SLIT3: variants seen among roughly 807,000 people sequenced by gnomAD.
SLIT3 encodes the protein slit homolog 3 protein.
In SLIT3, 68 loss-of-function variants were observed where a neutral mutation model predicts 184.0. The ratio of observed to expected loss-of-function variants is 0.37; its 90% CI spans 0.30 to 0.45. SLIT3 has a LOEUF of 0.45. Among genes scored for constraint, SLIT3 ranks in the 20% least tolerant of loss-of-function variants. The pLI is 1.00. For missense variants in SLIT3, 1,707 were observed against 2,026.0 expected, an observed-to-expected ratio of 0.84 and a Z score of 3.02; for synonymous variants, 831 against 828.6, an observed-to-expected ratio of 1.00 and a Z score of -0.05.
At chr5:168,914,927 T>C (rs565580408) in intron 4 of SLIT3, among the ~76,000 whole-genome samples, 3 of 152,374 alleles carry the variant, frequency 2.0e-5, no homozygotes, top group African/African-American at 7.2e-5. Context: ...GATTTCTTTT[T>C]CTTGATTTTT....
intron 32 of SLIT3, among the ~76,000 whole-genome samples, chr5:168,681,144 G>A (rs756590665): frequency 5.9e-5 from 9 of 152,180 alleles, no homozygotes; most frequent in Non-Finnish European, 7.3e-5. Context: ...GTGAGACACT[G>A]TCTCCAAGAA....
chr5:168,873,269 C>T (rs1034093319), intron 5 of SLIT3, among the ~76,000 whole-genome samples: 3 of 152,264 alleles, frequency 2.0e-5, no homozygotes, highest in Admixed American at 1.3e-4. Context: ...TCAATTTCCA[C>T]CTCTATACCT....
chr5:169,016,320 A>T (rs927596703), intron 4 of SLIT3, among the ~76,000 whole-genome samples: 1 of 152,168 alleles, frequency 6.6e-6, no homozygotes, highest in Non-Finnish European at 1.5e-5. Flanking sequence ...ACAGAAGCAC[A>T]TGTGCTCACA....
In SLIT3 at chr5:169,076,108, T is replaced by G. The variant is rs567936705; in HGVS notation, c.413+117371A>C. ...ACCAAGGGCAGGACCCTCAGGGGGG[T>G]TTCATTCTGGAGAAGATGGGCCTGG... is the stretch of plus-strand genomic sequence containing the variant. On this transcript the variant is annotated intron_variant, in intron 4 of 35. Coordinates refer to ENST00000519560, the MANE Select transcript of SLIT3 (RefSeq NM_003062.4). 7.9e-5 allele frequency among the ~76,000 whole-genome samples: 12 copies of G among 151,818 alleles called. No homozygotes were observed. In the South Asian group the frequency reaches 2.5e-3, roughly 32 times the overall value.
chr5:169,261,112 G>A (rs1766156819), intron 1 of SLIT3, among the ~76,000 whole-genome samples: 1 of 152,222 alleles, frequency 6.6e-6, no homozygotes, highest in Non-Finnish European at 1.5e-5. Context: ...GTCGTTTATA[G>A]ACTCCTGCTC....
intron 14 of SLIT3, chr5:168,768,174 G>A: frequency 1.9e-6 from 1 of 525,044 alleles, no homozygotes. Context: ...TTTCCGCGGT[G>A]CTTGACAGAA....
At chr5:169,171,086 C>T (rs1470443520) in intron 4 of SLIT3, among the ~76,000 whole-genome samples, 1 of 152,140 alleles carries the variant, frequency 6.6e-6, no homozygotes, top group African/African-American at 2.4e-5. Flanking sequence ...GTTCTGCTGA[C>T]CATGCTGAGG....
At chr5:169,042,904 GC>G (rs1227858689) in intron 4 of SLIT3, among the ~76,000 whole-genome samples, 2 of 152,110 alleles carry the variant, frequency 1.3e-5, no homozygotes, top group Non-Finnish European at 2.9e-5. Flanking sequence ...CTTACTATCG[GC>G]TTCCTTAAAA....
chr5:169,112,348 G>C (rs1223711506), intron 4 of SLIT3, among the ~76,000 whole-genome samples: 2 of 152,164 alleles, frequency 1.3e-5, no homozygotes, highest in Admixed American at 6.5e-5. Context: ...TAAAATCCTG[G>C]ATCTGCCACC....
chr5:168,981,057 CA>C, intron 4 of SLIT3, among the ~76,000 whole-genome samples: 1 of 151,940 alleles, frequency 6.6e-6, no homozygotes, highest in Non-Finnish European at 1.5e-5. Context: ...ATATTTTTCC[CA>C]AAAAGATATT....
At chr5:169,298,543 G>A (rs1284594931) in intron 1 of SLIT3, among the ~76,000 whole-genome samples, 1 of 152,178 alleles carries the variant, frequency 6.6e-6, no homozygotes, top group African/African-American at 2.4e-5. Context: ...CCAAGCAGCA[G>A]ACCTAACATC....
intron 4 of SLIT3, among the ~76,000 whole-genome samples, chr5:168,986,000 A>G (rs1242597984): frequency 6.6e-6 from 1 of 152,136 alleles, no homozygotes; most frequent in Non-Finnish European, 1.5e-5. Flanking sequence ...CTTGTGACTG[A>G]AAGGCACTTC....
At chr5:169,020,615 G>C (rs372731463) in intron 4 of SLIT3, among the ~76,000 whole-genome samples, 17 of 152,156 alleles carry the variant, frequency 1.1e-4, no homozygotes, top group East Asian at 5.8e-4. Flanking sequence ...TGTTACAGCA[G>C]CTGAATTAAT....
At chr5:168,982,369 C>G (rs971238682) in intron 4 of SLIT3, among the ~76,000 whole-genome samples, 1 of 152,060 alleles carries the variant, frequency 6.6e-6, no homozygotes, top group Non-Finnish European at 1.5e-5. Context: ...CATGTGATAC[C>G]CTGTGCCACC....
intron 4 of SLIT3, among the ~76,000 whole-genome samples, chr5:169,055,979 A>G (rs528695869): frequency 6.2e-4 from 95 of 152,302 alleles, no homozygotes; most frequent in African/African-American, 2.2e-3. Flanking sequence ...CTTGAGCAAG[A>G]GGCATAACAT....
At chr5:168,799,820 T>C (rs1756702491) in intron 9 of SLIT3, among the ~76,000 whole-genome samples, 2 of 152,214 alleles carry the variant, frequency 1.3e-5, no homozygotes, top group Admixed American at 1.3e-4. Flanking sequence ...AGTAGTATTA[T>C]TAATGTACTC....
intron 4 of SLIT3, among the ~76,000 whole-genome samples, chr5:168,996,414 A>G (rs1440972325): frequency 6.6e-6 from 1 of 152,136 alleles, no homozygotes. Context: ...AATGGAGCTA[A>G]AGTTTCATTT....
At chr5:168,901,159 G>A (rs989796953) in intron 4 of SLIT3, among the ~76,000 whole-genome samples, 31 of 152,170 alleles carry the variant, frequency 2.0e-4, no homozygotes, top group Admixed American at 1.3e-4. Context: ...TCAGGAGATA[G>A]TCCATCCTGG....
chr5:168,797,870 T>C (rs2113609855), intron 9 of SLIT3, among the ~76,000 whole-genome samples: 1 of 152,320 alleles, frequency 6.6e-6, no homozygotes, highest in East Asian at 1.9e-4. Flanking sequence ...TCTCTGTTTC[T>C]ATCCATTGGA....
Sources: allele counts gnomAD v4.1 joint callset (sites outside exome capture counted in the v4.1 genomes callset), GRCh38; gene constraint gnomAD v4.1.1; transcripts MANE v1.5; gene names NCBI Gene and HGNC (gene_info 2026-07-23, HGNC 2026-07-21).